Variants in SERTAD3 observed in about 807,000 individuals in gnomAD.
SERTAD3 encodes SERTA domain-containing protein 3.
Under a neutral mutation model 11.9 loss-of-function variants are expected in SERTAD3, and 6 were observed. That is an observed-to-expected ratio of 0.50 (90% CI 0.28 to 0.99). SERTAD3 has a LOEUF of 0.99. Among genes scored for constraint, SERTAD3 ranks in the 50% least tolerant of loss-of-function variants. The probability of loss-of-function intolerance (pLI) is 0.11; values close to 1 mark genes in which losing one functional copy is unlikely to be tolerated. For synonymous variants in SERTAD3, 101 were observed against 98.9 expected (o/e 1.02, Z -0.13); for missense variants, 261 against 240.9 (o/e 1.08, Z -0.55).
chr19:40,441,290 G>A lies in SERTAD3; in HGVS notation c.*200C>T. ...CATTTGGAATAGATAAATTAATTCA[G>A]GAAGACCCACCTTCACAGAAGGTCG... On this transcript the variant is annotated 3_prime_UTR_variant, in exon 2 of 2. Transcript: ENST00000322354. 1.9e-6 allele frequency: 1 copy of A among 522,116 alleles called. No individual in the cohort carries two copies. 32.3% of individuals were successfully genotyped at this position (522,116 alleles called of 1,614,324 possible).
chr19:40,441,539 C>T lies in SERTAD3; in HGVS notation c.542G>A (p.Trp181Ter), dbSNP rs1469300699. The change falls in exon 2 of 2, where the codon TGG (tryptophan) becomes TAG (stop). Residue 181 changes from tryptophan (W) to a stop codon, truncating the protein, a stop_gained. Transcript: ENST00000322354. LOFTEE classifies it high-confidence loss of function. ...GATGTGATCCAGTTCATTCCACTCC[C>T]AAGAACCTGGGGCACAGAAGAGGTT... ...PHNLFCAPGS[W>*]EWNELDHIME... is the part of the protein sequence containing the mutation. The T allele has an allele frequency of 6.2e-7, 1 of 1,613,710 alleles. No homozygotes were observed. Among genetic ancestry groups the T allele is most frequent in the African/African-American group, 1.3e-5 (1 of 75,004 alleles).
intron 1 of SERTAD3, 180 bp from the exon 2 acceptor site, chr19:40,442,266 T>C (rs974418451): frequency 1.7e-5 from 7 of 405,920 alleles, no homozygotes; most frequent in African/African-American, 1.2e-4. Flanking sequence ...TGAGTACATA[T>C]ACGATTAAGA....
rs920618344 is a variant in SERTAD3 at position 40,440,985 on chromosome 19, G to C, written c.*505C>G. ...ACCCTATTGCACGTGGTCCGGCCTG[G>C]TTATGAAATCAGGAGGCTGCTGAGA... is the stretch of plus-strand genomic sequence containing the variant. On this transcript the variant is annotated 3_prime_UTR_variant, in exon 2 of 2. Coordinates refer to ENST00000322354, the MANE Select transcript of SERTAD3 (RefSeq NM_203344.3). 6.5e-6 allele frequency: 1 copy of C among 152,968 alleles called. No homozygotes were observed. Among genetic ancestry groups the C allele is most frequent in the Non-Finnish European group, 1.5e-5 (1 of 68,430 alleles). The allele number at this position is 152,968 out of a possible 1,614,324, so 9.5% of individuals were successfully genotyped here.
At position 40,442,016 on chromosome 19, in the gene SERTAD3, C is replaced by A; in HGVS notation, c.65G>T (p.Ser22Ile). 6.6e-7 allele frequency: 1 copy of A among 1,518,254 alleles called. No individual in the cohort carries two copies. The highest frequency in any genetic ancestry group is 8.8e-7 in the Non-Finnish European group (1 of 1,136,196). The allele number at this position is 1,518,254 out of a possible 1,614,324, so 94.0% of individuals were successfully genotyped here. The change falls in exon 2 of 2, where the codon AGT becomes ATT. Residue 22 changes from serine (S) to isoleucine (I), a missense_variant. Transcript: ENST00000322354. ...LEEEEERWEW[S>I]PAGLQSYQQA... ...CTGGTAGCTCTGAAGGCCTGCTGGA[C>A]TCCACTCCCACCTCTCCTCCTCCTC... is the stretch of plus-strand genomic sequence containing the variant.
intron 1 of SERTAD3, 156 bp from the exon 2 acceptor site, chr19:40,442,242 C>A: frequency 2.3e-6 from 1 of 434,522 alleles, no homozygotes; most frequent in East Asian, 3.5e-5. Context: ...CTGAATCCTA[C>A]AAGTTTAAGA....
chr19:40,443,300 G>A (rs990073838), intron 1 of SERTAD3: 12 of 152,216 alleles, frequency 7.9e-5, no homozygotes, highest in African/African-American at 2.9e-4. Flanking sequence ...ACAATCCCCA[G>A]AGGGCTCCGC....
chr19:40,441,656 A>G lies in SERTAD3; in HGVS notation c.425T>C (p.Leu142Ser), dbSNP rs2079677628. 2 of 1,614,164 alleles carry G rather than the reference A, an allele frequency of 1.2e-6. No individual in the cohort carries two copies. The highest frequency in any genetic ancestry group is 8.5e-7 in the Non-Finnish European group (1 of 1,180,020). ...GAAGTCATCCAGGCCAGAGTCCCCC[A>G]AGTACCGGGAGCTCAGAGCTTCTAA... ...VFLEALSSRY[L>S]GDSGLDDFFL... Residue 142 changes from leucine (L) to serine (S), a missense_variant, in exon 2 of 2, where the codon TTG becomes TCG. Physicochemically the swap from Leu to Ser is moderately radical, Grantham distance 145. Coordinates refer to ENST00000322354, the MANE Select transcript of SERTAD3 (RefSeq NM_203344.3).
chr19:40,442,768 C>A (rs937201689), intron 1 of SERTAD3, among the ~76,000 whole-genome samples: 18 of 152,270 alleles, frequency 1.2e-4, no homozygotes, highest in Admixed American at 9.8e-4. Context: ...TGCAGCAGCG[C>A]TATCACAGCT....
rs200591929 is a variant in SERTAD3 at position 40,441,958 on chromosome 19, G to C, written c.123C>G (p.Val41=). Residue 41 remains valine, a synonymous_variant, in exon 2 of 2, where the codon GTC becomes GTG. Coordinates refer to ENST00000322354, the MANE Select transcript of SERTAD3 (RefSeq NM_203344.3). ...GTGCTCGGGGGCCCAGGCTGCGCTG[G>C]ACTTTGTCTAGGGAGATGCGGAGCA... ...QALLRISLDK[V]QRSLGPRAPS... The C allele has an allele frequency of 1.3e-6, 2 of 1,570,356 alleles. No homozygotes were observed. Among genetic ancestry groups the C allele is most frequent in the Non-Finnish European group, 8.6e-7 (1 of 1,159,528 alleles).
At chr19:40,443,133 C>T (rs548390809) in intron 1 of SERTAD3, among the ~76,000 whole-genome samples, 5 of 152,050 alleles carry the variant, frequency 3.3e-5, no homozygotes, top group African/African-American at 1.2e-4. Context: ...GCCCCGCCCC[C>T]TCGGAGGTCC....
rs771945235 is a variant in SERTAD3 at position 40,441,620 on chromosome 19, A to G, written c.461T>C (p.Ile154Thr). The G allele has an allele frequency of 1.2e-6, 2 of 1,614,180 alleles. No individual in the cohort carries two copies. The highest frequency in any genetic ancestry group is 1.7e-6 in the Non-Finnish European group (2 of 1,180,046). Residue 154 changes from isoleucine to threonine, a missense_variant, in exon 2 of 2, where the codon ATT becomes ACT. Coordinates refer to ENST00000322354, the MANE Select transcript of SERTAD3 (RefSeq NM_203344.3). The part of the protein sequence containing the change: ...DSGLDDFFLD[I>T]DTSAVEKEPA... Reference sequence around the variant, plus strand: ...CTCCTTTTCTACCGCAGATGTGTCAATGTCCAGAAAGAAGTCATCCAGGCC... The same window carrying G: ...CTCCTTTTCTACCGCAGATGTGTCAGTGTCCAGAAAGAAGTCATCCAGGCC...
In SERTAD3 at chr19:40,441,597, C is replaced by G. The variant is rs1465589765; in HGVS notation, c.484G>C (p.Glu162Gln). The G allele has an allele frequency of 6.2e-7, 1 of 1,614,070 alleles. No individual in the cohort carries two copies. Among genetic ancestry groups the G allele is most frequent in the African/African-American group, 1.3e-5 (1 of 74,932 alleles). Reference protein sequence around the residue: ...LDIDTSAVEKEPARAPPEPPH... With the variant: ...LDIDTSAVEKQPARAPPEPPH... ...GGCTCTGGTGGGGCCCGTGCAGGCTCCTTTTCTACCGCAGATGTGTCAATG... is the reference window on the plus strand; with the variant it reads ...GGCTCTGGTGGGGCCCGTGCAGGCTGCTTTTCTACCGCAGATGTGTCAATG... The change falls in exon 2 of 2, where the codon GAG becomes CAG. Residue 162 changes from glutamate (E) to glutamine (Q), a missense_variant. Physicochemically the swap from Glu to Gln is conservative, Grantham distance 29. Transcript: ENST00000322354.
At position 40,441,782 on chromosome 19, in the gene SERTAD3, C is replaced by G. The variant is rs767945932; in HGVS notation, c.299G>C (p.Arg100Thr). The change falls in exon 2 of 2, where the codon AGG (arginine) becomes ACG (threonine). Residue 100 changes from arginine (R) to threonine (T), a missense_variant. Arg to Thr is a moderately conservative substitution (Grantham distance 71). Transcript: ENST00000322354. ...SLSATIGSILRELDTSMDGTE... is the reference protein window; with the variant it reads ...SLSATIGSILTELDTSMDGTE... ...CCCATCCATGGAGGTGTCCAGCTCC[C>G]TGAGGATAGAGCCAATGGTGGCTGA... The G allele has an allele frequency of 5.0e-6, 8 of 1,610,966 alleles. No individual in the cohort carries two copies. The African/African-American group carries it at 9.4e-5, about 19-fold the overall frequency.
Position 40,442,022 on chromosome 19 carries a change from T to C in SERTAD3, c.59A>G (p.Glu20Gly). 6.6e-7 allele frequency: 1 copy of C among 1,512,068 alleles called. No individual in the cohort carries two copies. The highest frequency in any genetic ancestry group is 8.8e-7 in the Non-Finnish European group (1 of 1,132,812). The allele number at this position is 1,512,068 out of a possible 1,614,324, so 93.7% of individuals were successfully genotyped here. ...SDLEEEEERWEWSPAGLQSYQ... is the reference protein window; with the variant it reads ...SDLEEEEERWGWSPAGLQSYQ... ...GCTCTGAAGGCCTGCTGGACTCCAC[T>C]CCCACCTCTCCTCCTCCTCTTCCAA... The change falls in exon 2 of 2, where the codon GAG (glutamate) becomes GGG (glycine). Residue 20 changes from glutamate (E) to glycine (G), a missense_variant. Transcript: ENST00000322354.
intron 1 of SERTAD3, among the ~76,000 whole-genome samples, chr19:40,443,098 C>T (rs1204332717): frequency 2.0e-5 from 3 of 151,918 alleles, no homozygotes; most frequent in Non-Finnish European, 4.4e-5. Context: ...CATAGGAAAA[C>T]TTGCTAGAAC....
chr19:40,441,849 G>A lies in SERTAD3; in HGVS notation c.232C>T (p.Pro78Ser), dbSNP rs767869801. 2 of 1,582,204 alleles carry A rather than the reference G, an allele frequency of 1.3e-6. No individual in the cohort carries two copies. The highest frequency in any genetic ancestry group is 1.7e-6 in the Non-Finnish European group (2 of 1,163,728). ...TCGCCCAGGAAGAGGGGCTCGGGGG[G>A]CAGGGCAGGGGCGGGAGCCAGGCGA... ...ALRLAPAPALPPEPLFLGEED... is the reference protein window; with the variant it reads ...ALRLAPAPALSPEPLFLGEED... Residue 78 changes from proline to serine, a missense_variant, in exon 2 of 2, where the codon CCC becomes TCC. Coordinates refer to ENST00000322354, the MANE Select transcript of SERTAD3 (RefSeq NM_203344.3).
rs1424357456 is a variant in SERTAD3, at chr19:40,440,943, G to A, written c.*547C>T. On this transcript the variant is annotated 3_prime_UTR_variant, in exon 2 of 2. Transcript: ENST00000322354. ...GCCTTTCTTTTAAATAACCCGGCAT[G>A]GAGCAGTTTGGTTTCCACCCTATTG... 6.6e-6 allele frequency: 1 copy of A among 151,392 alleles called. No individual in the cohort carries two copies. Among genetic ancestry groups the A allele is most frequent in the Non-Finnish European group, 1.5e-5 (1 of 67,916 alleles). 9.4% of individuals were successfully genotyped at this position (151,392 alleles called of 1,614,324 possible). A position where few individuals can be genotyped will look rare whatever the true frequency, so the allele number is the denominator to read the frequency against.
In SERTAD3 at chr19:40,441,381, C is replaced by A; in HGVS notation, c.*109G>T. The A allele has an allele frequency of 4.3e-6, 4 of 936,370 alleles. No individual in the cohort carries two copies. In the South Asian group the frequency reaches 6.5e-5, roughly 15 times the overall value. 58.0% of individuals were successfully genotyped at this position (936,370 alleles called of 1,614,324 possible). On this transcript the variant is annotated 3_prime_UTR_variant, in exon 2 of 2. Transcript: ENST00000322354. The stretch of plus-strand genomic sequence containing the variant: ...AACCCTGAAATGGGAACAAAGGAGG[C>A]CATAGTCACTGCTTCGAGCCCCCAC...
chr19:40,442,007 C>T lies in SERTAD3; in HGVS notation c.74G>A (p.Gly25Asp), dbSNP rs2079682292. Residue 25 changes from glycine (G) to aspartate (D), a missense_variant, in exon 2 of 2, where the codon GGC (glycine) becomes GAC (aspartate). By Grantham distance (94) the Gly-to-Asp change is moderately conservative. Transcript: ENST00000322354. ...EEERWEWSPA[G>D]LQSYQQALLR... The stretch of plus-strand genomic sequence containing the variant: ...CAGGGCTTGCTGGTAGCTCTGAAGG[C>T]CTGCTGGACTCCACTCCCACCTCTC... 2 of 1,524,814 alleles carry T rather than the reference C, an allele frequency of 1.3e-6. No individual in the cohort carries two copies. Among genetic ancestry groups the T allele is most frequent in the Non-Finnish European group, 1.8e-6 (2 of 1,139,472 alleles). The allele number at this position is 1,524,814 out of a possible 1,614,324, so 94.5% of individuals were successfully genotyped here.
Sources: gnomAD v4.1 joint callset for allele counts (sites outside exome capture counted in the v4.1 genomes callset) on GRCh38, gnomAD v4.1.1 for gene constraint, MANE v1.5 for transcripts, NCBI Gene and HGNC (gene_info 2026-07-23, HGNC 2026-07-21) for gene names.